Variants in AKAP13 observed in about 807,000 individuals in gnomAD.
AKAP13 encodes A-kinase anchor protein 13.
In AKAP13, 80 loss-of-function variants were observed where a neutral mutation model predicts 264.5. That is an observed-to-expected ratio of 0.30 (90% CI 0.25 to 0.36). The LOEUF is 0.36. Among genes scored for constraint, AKAP13 ranks in the 10% least tolerant of loss-of-function variants. AKAP13 has a pLI of 1.00. For missense variants in AKAP13, 3,712 were observed against 3,435.2 expected, an observed-to-expected ratio of 1.08 and a Z score of -2.01; for synonymous variants, 1,380 against 1,250.2, an observed-to-expected ratio of 1.10 and a Z score of -2.19.
intron 16 of AKAP13, 151 bp from the exon 17 acceptor site, chr15:85,693,121 AAAAAC>A (rs1456864931): frequency 4.0e-5 from 53 of 1,326,168 alleles, no homozygotes; most frequent in East Asian, 5.7e-5. Context: ...CTTAATTTAA[AAAAAC>A]AAAACAAAAC....
At chr15:85,611,417 A>C (rs1270508280) in intron 8 of AKAP13, among the ~76,000 whole-genome samples, 6 of 152,196 alleles carry the variant, frequency 3.9e-5, no homozygotes, top group African/African-American at 1.4e-4. Flanking sequence ...CTAGTTGTTC[A>C]GGACAGAAAC....
intron 1 of AKAP13, among the ~76,000 whole-genome samples, chr15:85,396,424 C>T (rs767987022): frequency 1.3e-5 from 2 of 152,084 alleles, no homozygotes; most frequent in African/African-American, 2.4e-5. Context: ...CACAGTAGAA[C>T]GGTAGAATTG....
At position 85,693,283 on chromosome 15, in the gene AKAP13, GA is replaced by G; in HGVS notation, c.5301del (p.Glu1768LysfsTer42). On this transcript the variant is annotated frameshift_variant, in exon 17 of 37. Coordinates refer to ENST00000394518, the MANE Select transcript of AKAP13 (RefSeq NM_007200.5). LOFTEE classifies it high-confidence loss of function. Reference sequence around the variant, plus strand: ...ATTTTCTTTTCTTCGGCAGGAAAAGGAAAAAGAAAAAGATAAGATTAAGGAG... The same window carrying G: ...ATTTTCTTTTCTTCGGCAGGAAAAGGAAAAGAAAAAGATAAGATTAAGGAG... ...MSSSKKSKEK[E>X]KEKDKIKEKE... 2 of 1,591,106 alleles carry G rather than the reference GA, an allele frequency of 1.3e-6. No individual in the cohort carries two copies. The highest frequency in any genetic ancestry group is 1.7e-6 in the Non-Finnish European group (2 of 1,173,402).
At chr15:85,468,561 G>A (rs1348387062) in intron 1 of AKAP13, among the ~76,000 whole-genome samples, 1 of 152,100 alleles carries the variant, frequency 6.6e-6, no homozygotes, top group African/African-American at 2.4e-5. Flanking sequence ...GAGATGTCTT[G>A]GTTCTCTCAG....
In AKAP13 at chr15:85,581,337, A is replaced by T. The variant is rs1468790123; in HGVS notation, c.3269A>T (p.Asp1090Val). The change falls in exon 7 of 37, where the codon GAT becomes GTT. Residue 1090 changes from aspartate to valine, a missense_variant. Physicochemically the swap from Asp to Val is radical, Grantham distance 152 (BLOSUM62 -3). This residue lies in a region of AKAP13 where 2,759 missense variants were observed against 2,411.7 expected (regional missense o/e 1.14). Transcript: ENST00000394518. ...ACEVSGDVTVDVTGVNALQGM... is the reference protein window; with the variant it reads ...ACEVSGDVTVVVTGVNALQGM... ...GAGGTGAGTGGAGATGTGACGGTGG[A>T]TGTTACAGGGGTTAATGCTCTACAA... is the stretch of plus-strand genomic sequence containing the variant. 5 of 1,614,182 alleles carry T rather than the reference A, an allele frequency of 3.1e-6. No homozygotes were observed. Among genetic ancestry groups the T allele is most frequent in the Non-Finnish European group, 4.2e-6 (5 of 1,180,008 alleles).
At chr15:85,524,391 G>C (rs986989825) in intron 3 of AKAP13, among the ~76,000 whole-genome samples, 1 of 151,994 alleles carries the variant, frequency 6.6e-6, no homozygotes, top group Non-Finnish European at 1.5e-5. Flanking sequence ...GGCCAGGCTG[G>C]TCTTGAACTC....
At chr15:85,598,092 T>C (rs1344370193) in intron 8 of AKAP13, among the ~76,000 whole-genome samples, 1 of 152,202 alleles carries the variant, frequency 6.6e-6, no homozygotes, top group Non-Finnish European at 1.5e-5. Flanking sequence ...ATTTCTTTCT[T>C]TGTCATTCTT....
At chr15:85,668,693 G>T (rs1431440427) in intron 13 of AKAP13, among the ~76,000 whole-genome samples, 1 of 152,180 alleles carries the variant, frequency 6.6e-6, no homozygotes, top group Non-Finnish European at 1.5e-5. Flanking sequence ...TATAATCCCA[G>T]CACTTTGGGA....
intron 1 of AKAP13, 67 bp from the exon 2 acceptor site, chr15:85,485,643 T>G (rs1031319248): frequency 7.0e-7 from 1 of 1,428,994 alleles, no homozygotes; most frequent in African/African-American, 1.4e-5. Context: ...CCTAGGACTT[T>G]AGGTGGCTTA....
chr15:85,522,929 C>T (rs1294177147), intron 3 of AKAP13, among the ~76,000 whole-genome samples: 1 of 126,868 alleles, frequency 7.9e-6, no homozygotes, highest in Non-Finnish European at 1.7e-5. Flanking sequence ...CCCACCCACA[C>T]CCCCTCCCCC....
Position 85,549,432 on chromosome 15 carries a change from A to G in AKAP13, c.662+5477A>G, listed in dbSNP as rs527244436. ...AAACATATTTGTCCTCATAAATGTC[A>G]TCTTATTTTTAGTATCAGCTGAACA... On this transcript the variant is annotated intron_variant, in intron 5 of 36. Transcript: ENST00000394518. Among the ~76,000 whole-genome samples the G allele has an allele frequency of 9.2e-5, 14 of 152,350 alleles. No homozygotes were observed. In the South Asian group the frequency reaches 2.7e-3, roughly 29 times the overall value.
chr15:85,740,775 A>ACCCCCCCCCCCCCC (rs34080252), intron 34 of AKAP13, among the ~76,000 whole-genome samples: 5 of 67,412 alleles, frequency 7.4e-5, no homozygotes, highest in African/African-American at 1.4e-4. Context: ...ACACACAACC[A>ACCCCCCCCCCCCCC]CCCCCCCCCC....
chr15:85,662,463 T>A (rs762610958), intron 12 of AKAP13: 11 of 1,614,014 alleles, frequency 6.8e-6, no homozygotes, highest in African/African-American at 2.7e-5. Flanking sequence ...GGTATGATAT[T>A]GTTATGTGTC....
At chr15:85,740,125 T>C (rs903095861) in intron 33 of AKAP13, 97 bp from the exon 34 acceptor site, 2 of 1,255,470 alleles carry the variant, frequency 1.6e-6, no homozygotes, top group African/African-American at 3.0e-5. Flanking sequence ...TTTAGTTGTA[T>C]CTTAAAGGAG....
intron 8 of AKAP13, among the ~76,000 whole-genome samples, chr15:85,634,669 C>T (rs888561531): frequency 5.9e-5 from 9 of 151,990 alleles, no homozygotes; most frequent in Admixed American, 1.3e-4. Context: ...TAATCACTAC[C>T]GCATCATAAT....
intron 1 of AKAP13, 56 bp downstream of exon 1, chr15:85,380,854 G>A (rs1423249619): frequency 6.6e-6 from 1 of 152,266 alleles, no homozygotes; most frequent in African/African-American, 2.4e-5. Flanking sequence ...TTGTGGGTCG[G>A]GGCGCGGAGC....
At chr15:85,560,153 A>C (rs757684442) in intron 5 of AKAP13, among the ~76,000 whole-genome samples, 2 of 151,124 alleles carry the variant, frequency 1.3e-5, no homozygotes, top group Non-Finnish European at 3.0e-5. Context: ...AAAAAAAAAA[A>C]AAAACAGTAA....
intron 35 of AKAP13, among the ~76,000 whole-genome samples, chr15:85,742,158 G>T (rs915384667): frequency 6.6e-6 from 1 of 152,210 alleles, no homozygotes; most frequent in Non-Finnish European, 1.5e-5. Flanking sequence ...GAAGTGCTGG[G>T]GCATTTTGGC....
rs75445786 is a variant in AKAP13 at position 85,394,802 on chromosome 15, C to G, written c.-12+14004C>G. On this transcript the variant is annotated intron_variant, in intron 1 of 36. Transcript: ENST00000394518. ...CTGTGAAATGGTATTTGCTGACTCACCTTTCACTGAGTCCTAGAAGGATGG... is the reference window on the plus strand; with the variant it reads ...CTGTGAAATGGTATTTGCTGACTCAGCTTTCACTGAGTCCTAGAAGGATGG... Among the ~76,000 whole-genome samples the G allele has an allele frequency of 8.2e-3, 1,243 of 152,276 alleles. 14 individuals are homozygous for G. The highest frequency in any genetic ancestry group is 0.029 in the African/African-American group (1,188 of 41,548).
Sources: allele counts gnomAD v4.1 joint callset (sites outside exome capture counted in the v4.1 genomes callset), GRCh38; gene constraint gnomAD v4.1.1; regional missense constraint gnomAD v4.1.1; transcripts MANE v1.5; gene names NCBI Gene and HGNC (gene_info 2026-07-23, HGNC 2026-07-21).